Variants in HDAC9 observed in about 807,000 individuals in gnomAD.
The protein encoded by HDAC9 is MEF-2 interacting transcription repressor (MITR) protein.
A neutral mutation model predicts 139.4 loss-of-function variants in HDAC9; 41 were observed. That is an observed-to-expected ratio of 0.29 (90% CI 0.23 to 0.38). The LOEUF (loss-of-function observed/expected upper bound fraction) is 0.38, where lower values mean the gene tolerates loss of function less well. Ranked by LOEUF, HDAC9 falls within the 10% of genes least tolerant of loss-of-function variation. The probability of loss-of-function intolerance (pLI) is 1.00; values close to 1 mark genes in which losing one functional copy is unlikely to be tolerated. For missense variants in HDAC9, 1,147 were observed against 1,297.0 expected, an observed-to-expected ratio of 0.88 and a Z score of 1.78; for synonymous variants, 517 against 476.2, an observed-to-expected ratio of 1.09 and a Z score of -1.12.
intron 12 of HDAC9, among the ~76,000 whole-genome samples, chr7:18,716,812 C>A (rs1784732818): frequency 6.6e-6 from 1 of 152,128 alleles, no homozygotes; most frequent in Admixed American, 6.5e-5. Flanking sequence ...TGTGTGCATA[C>A]AAACACTGGT....
intron 1 of HDAC9, among the ~76,000 whole-genome samples, chr7:18,416,543 C>T (rs1422126908): frequency 6.6e-6 from 1 of 151,896 alleles, no homozygotes; most frequent in Admixed American, 6.6e-5. Flanking sequence ...CGTATTTTCT[C>T]TGTGGGAAGG....
chr7:18,149,284 AG>A (rs1786572796), intron 1 of HDAC9, among the ~76,000 whole-genome samples: 3 of 151,526 alleles, frequency 2.0e-5, no homozygotes, highest in African/African-American at 7.2e-5. Flanking sequence ...AAAAAAGAAA[AG>A]AAAAAATAAT....
At chr7:18,709,984 G>A (rs756039207) in intron 12 of HDAC9, among the ~76,000 whole-genome samples, 2 of 152,182 alleles carry the variant, frequency 1.3e-5, no homozygotes, top group Non-Finnish European at 2.9e-5. Context: ...CCGAGACTGG[G>A]TAATTTATAA....
intron 12 of HDAC9, among the ~76,000 whole-genome samples, chr7:18,720,133 G>A (rs988917599): frequency 1.3e-5 from 2 of 151,934 alleles, no homozygotes; most frequent in African/African-American, 4.8e-5. Flanking sequence ...TTTGATGCAG[G>A]AAATGGGTAG....
intron 2 of HDAC9, among the ~76,000 whole-genome samples, chr7:18,175,456 G>A (rs1788812075): frequency 1.3e-5 from 2 of 152,154 alleles, no homozygotes; most frequent in South Asian, 4.1e-4. Context: ...CACCCTCCAT[G>A]GGCTGTACCC....
At chr7:18,857,634 C>T (rs1167946103) in intron 21 of HDAC9, among the ~76,000 whole-genome samples, 1 of 152,022 alleles carries the variant, frequency 6.6e-6, no homozygotes, top group African/African-American at 2.4e-5. Context: ...AATTTGTTTA[C>T]AGAGTTGCTT....
intron 21 of HDAC9, among the ~76,000 whole-genome samples, chr7:18,866,844 A>G (rs1394541229): frequency 1.3e-5 from 2 of 152,098 alleles, no homozygotes; most frequent in East Asian, 3.9e-4. Flanking sequence ...GAGTCATGGG[A>G]AATTACTAGT....
At chr7:18,692,098 TCA>T (rs1782713964) in intron 12 of HDAC9, among the ~76,000 whole-genome samples, 1 of 152,104 alleles carries the variant, frequency 6.6e-6, no homozygotes. Flanking sequence ...TCAGCCCCAT[TCA>T]CAGAGTTAAG....
At chr7:18,572,035 G>A (rs1407377325) in intron 2 of HDAC9, among the ~76,000 whole-genome samples, 1 of 151,492 alleles carries the variant, frequency 6.6e-6, no homozygotes, top group Admixed American at 6.6e-5. Flanking sequence ...ATTCCTGATA[G>A]AAGAGTGGGA....
At chr7:18,228,590 G>T (rs1395409449) in intron 2 of HDAC9, among the ~76,000 whole-genome samples, 1 of 152,122 alleles carries the variant, frequency 6.6e-6, no homozygotes, top group African/African-American at 2.4e-5. Context: ...AGAAGTTCTA[G>T]TGTCTGAAAG....
intron 17 of HDAC9, among the ~76,000 whole-genome samples, chr7:18,820,277 T>C (rs1206568266): frequency 6.6e-6 from 1 of 152,174 alleles, no homozygotes; most frequent in Non-Finnish European, 1.5e-5. Context: ...GAAATTCTCA[T>C]TGAAGAGAGA....
At chr7:18,793,298 T>C (rs1280707880) in intron 16 of HDAC9, 47 bp from the exon 17 acceptor site, 1 of 1,325,744 alleles carries the variant, frequency 7.5e-7, no homozygotes, top group South Asian at 1.3e-5. Context: ...CTTCCTTCTC[T>C]TTCGCTTTCT....
At chr7:18,578,260 C>G in intron 2 of HDAC9, 3 of 518,700 alleles carry the variant, frequency 5.8e-6, no homozygotes, top group Non-Finnish European at 1.2e-5. Flanking sequence ...CTTCTCTTTT[C>G]CACACAATGA....
intron 1 of HDAC9, among the ~76,000 whole-genome samples, chr7:18,326,304 G>A (rs1297907873): frequency 6.6e-6 from 1 of 151,908 alleles, no homozygotes; most frequent in Non-Finnish European, 1.5e-5. Flanking sequence ...TTGAATAAAA[G>A]CATCTAAAAG....
intron 1 of HDAC9, among the ~76,000 whole-genome samples, chr7:18,373,160 A>T (rs1784724795): frequency 6.6e-6 from 1 of 152,204 alleles, no homozygotes. Context: ...AACCACAAAA[A>T]GAACTGGAGT....
intron 1 of HDAC9, among the ~76,000 whole-genome samples, chr7:18,386,409 C>G (rs1029155118): frequency 1.3e-5 from 2 of 152,136 alleles, no homozygotes; most frequent in African/African-American, 4.8e-5. Flanking sequence ...TTTCATTGAA[C>G]TTGCATAGAA....
chr7:18,931,981 A>G (rs1414679238), intron 22 of HDAC9, among the ~76,000 whole-genome samples: 4 of 152,166 alleles, frequency 2.6e-5, no homozygotes, highest in Non-Finnish European at 5.9e-5. Flanking sequence ...GTGAACCTCA[A>G]CTATACTTTA....
chr7:18,779,670 C>T (rs73317472), intron 16 of HDAC9, among the ~76,000 whole-genome samples: 1,746 of 152,118 alleles, frequency 0.011, 24 homozygotes, highest in African/African-American at 0.04. Context: ...AAGGCTCCCA[C>T]ATGGTATTAT....
At chr7:18,648,960 A>C (rs1788330353) in intron 11 of HDAC9, among the ~76,000 whole-genome samples, 1 of 152,204 alleles carries the variant, frequency 6.6e-6, no homozygotes. Context: ...CCATACGGGC[A>C]TATGTATATG....
Sources: gnomAD v4.1 joint callset for allele counts (sites outside exome capture counted in the v4.1 genomes callset) on GRCh38, gnomAD v4.1.1 for gene constraint, MANE v1.5 for transcripts, NCBI Gene and HGNC (gene_info 2026-07-23, HGNC 2026-07-21) for gene names.